The following CHIC1 variants were observed in gnomAD, a reference collection of about 807,000 sequenced individuals.
CHIC1 encodes cysteine-rich hydrophobic domain-containing protein 1.
A neutral mutation model predicts 18.5 loss-of-function variants in CHIC1; 7 were observed. That is an observed-to-expected ratio of 0.38 (90% CI 0.22 to 0.71). The LOEUF is 0.71. CHIC1 is among the 30% of genes least tolerant of loss of function. The pLI is 0.49. For missense variants in CHIC1, 159 were observed against 176.9 expected (o/e 0.90, Z 0.57); for synonymous variants, 77 against 73.5 (o/e 1.05, Z -0.25).
chrX:73,675,117 T>C (rs1353368395), intron 3 of CHIC1, among the ~76,000 whole-genome samples: 1 of 112,248 alleles, frequency 8.9e-6, no homozygotes, highest in African/African-American at 3.2e-5. Flanking sequence ...TTATAATTTC[T>C]ATTCTTTTAC....
chrX:73,646,813 T>C (rs2057891573), intron 3 of CHIC1, among the ~76,000 whole-genome samples: 1 of 112,310 alleles, frequency 8.9e-6, no homozygotes, highest in Non-Finnish European at 1.9e-5. Context: ...CTTTTATTTC[T>C]TTGTTGTAAT....
At position 73,682,480 on chromosome X, in the gene CHIC1, G is replaced by A. The variant is rs1052314174; in HGVS notation, c.*1475G>A. On this transcript the variant is annotated 3_prime_UTR_variant, in exon 6 of 6. Coordinates refer to ENST00000373502, the MANE Select transcript of CHIC1 (RefSeq NM_001039840.4). ...TGTCATCTTACTCTTACTGCTTTTAGTAAACCTTTTAGGCAAGATTCATCT... is the reference window on the plus strand; with the variant it reads ...TGTCATCTTACTCTTACTGCTTTTAATAAACCTTTTAGGCAAGATTCATCT... 9.0e-6 allele frequency: 1 copy of A among 111,455 alleles called. No individual in the cohort carries two copies. The highest frequency in any genetic ancestry group is 3.2e-5 in the African/African-American group (1 of 30,789). The allele number at this position is 111,455 out of a possible 1,213,427, so 9.2% of individuals were successfully genotyped here. A position where few individuals can be genotyped will look rare whatever the true frequency, so the allele number is the denominator to read the frequency against.
At chrX:73,628,460 C>T (rs1016840041) in intron 3 of CHIC1, among the ~76,000 whole-genome samples, 1 of 111,931 alleles carries the variant, frequency 8.9e-6, no homozygotes, top group African/African-American at 3.3e-5. Flanking sequence ...ACTCAAGTTC[C>T]GAATACTGGA....
At chrX:73,613,989 G>C (rs1223341355) in intron 3 of CHIC1, among the ~76,000 whole-genome samples, 1 of 111,546 alleles carries the variant, frequency 9.0e-6, no homozygotes. Context: ...GTTTTCATGA[G>C]GGCAGGTAGT....
intron 3 of CHIC1, among the ~76,000 whole-genome samples, chrX:73,610,866 GGTT>G (rs756062255): frequency 9.3e-6 from 1 of 107,154 alleles, no homozygotes; most frequent in East Asian, 2.9e-4. Context: ...TTTAGTGTTT[GGTT>G]GTTCATAATA....
chrX:73,594,834 A>C lies in CHIC1; in HGVS notation c.507+10262A>C, dbSNP rs1229437476. 3.6e-5 allele frequency among the ~76,000 whole-genome samples: 4 copies of C among 112,165 alleles called. No homozygotes were observed. The East Asian group carries it at 1.1e-3, about 32-fold the overall frequency. On this transcript the variant is annotated intron_variant, in intron 3 of 5. Coordinates refer to ENST00000373502, the MANE Select transcript of CHIC1 (RefSeq NM_001039840.4). ...CAAATTTGCCTGTTCTAGATACCTC[A>C]TGTAAGTGAAATAATGCCATATTTT...
chrX:73,681,285 G>A lies in CHIC1; in HGVS notation c.*280G>A, dbSNP rs2058098476. ...CCATTAAAGATAAATCATCAGTGTT[G>A]GTGTTTAAAAAACAAAAACTTGTTC... On this transcript the variant is annotated 3_prime_UTR_variant, in exon 6 of 6. Coordinates refer to ENST00000373502, the MANE Select transcript of CHIC1 (RefSeq NM_001039840.4). 1.4e-5 allele frequency: 3 copies of A among 212,644 alleles called. No homozygotes were observed. Among genetic ancestry groups the A allele is most frequent in the Non-Finnish European group, 2.5e-5 (3 of 119,690 alleles). 17.5% of individuals were successfully genotyped at this position (212,644 alleles called of 1,213,427 possible). A position where few individuals can be genotyped will look rare whatever the true frequency, so the allele number is the denominator to read the frequency against.
chrX:73,657,392 G>A (rs1250164365), intron 3 of CHIC1, among the ~76,000 whole-genome samples: 1 of 111,460 alleles, frequency 9.0e-6, no homozygotes, highest in Non-Finnish European at 1.9e-5. Flanking sequence ...AATTGTGAAT[G>A]GGAGTTCATT....
intron 3 of CHIC1, among the ~76,000 whole-genome samples, chrX:73,653,305 A>G (rs1367713385): frequency 9.0e-6 from 1 of 111,588 alleles, no homozygotes; most frequent in Non-Finnish European, 1.9e-5. Context: ...TACCTATGTA[A>G]CAAACCTGCA....
intron 3 of CHIC1, among the ~76,000 whole-genome samples, chrX:73,591,532 CTT>C (rs1327925244): frequency 9.0e-6 from 1 of 111,629 alleles, no homozygotes; most frequent in African/African-American, 3.2e-5. Flanking sequence ...TTTTTACTCT[CTT>C]AATAGTATAT....
At chrX:73,678,723 A>G (rs1389540001) in intron 3 of CHIC1, among the ~76,000 whole-genome samples, 1 of 112,515 alleles carries the variant, frequency 8.9e-6, no homozygotes, top group Non-Finnish European at 1.9e-5. Context: ...CCTCTTTGCT[A>G]CATTACTGCT....
intron 3 of CHIC1, among the ~76,000 whole-genome samples, chrX:73,634,932 CT>C (rs2057824783): frequency 9.0e-6 from 1 of 111,116 alleles, no homozygotes; most frequent in Non-Finnish European, 1.9e-5. Flanking sequence ...TTTTTACCCT[CT>C]TTAATGCATC....
chrX:73,614,375 G>A (rs1225968764), intron 3 of CHIC1, among the ~76,000 whole-genome samples: 1 of 111,211 alleles, frequency 9.0e-6, no homozygotes, highest in South Asian at 3.8e-4. Context: ...TCTATTTGGA[G>A]ATCTCTGATC....
intron 3 of CHIC1, among the ~76,000 whole-genome samples, chrX:73,640,458 C>A (rs1277369376): frequency 9.0e-6 from 1 of 111,547 alleles, no homozygotes; most frequent in Non-Finnish European, 1.9e-5. Context: ...ATTTTTACAT[C>A]TATGTTCATC....
chrX:73,663,461 CAG>C (rs927573377), intron 3 of CHIC1, among the ~76,000 whole-genome samples: 1 of 110,430 alleles, frequency 9.1e-6, no homozygotes, highest in Non-Finnish European at 1.9e-5. Context: ...CAAAGATTAA[CAG>C]GGATGAGCAT....
chrX:73,669,747 G>A (rs962028873), intron 3 of CHIC1, among the ~76,000 whole-genome samples: 7 of 111,945 alleles, frequency 6.3e-5, no homozygotes, highest in African/African-American at 2.3e-4. Context: ...CAGCTGAGTC[G>A]ACCAAATGGC....
At chrX:73,584,192 A>AT (rs2057541458) in intron 2 of CHIC1, among the ~76,000 whole-genome samples, 1 of 111,274 alleles carries the variant, frequency 9.0e-6, no homozygotes, top group African/African-American at 3.3e-5. Flanking sequence ...ATTGGTGGTC[A>AT]TTTCAGAAGA....
chrX:73,612,178 A>G (rs1182915150), intron 3 of CHIC1, among the ~76,000 whole-genome samples: 1 of 111,623 alleles, frequency 9.0e-6, no homozygotes, highest in African/African-American at 3.3e-5. Flanking sequence ...TCTTTAATCC[A>G]TCTTGAATTA....
chrX:73,634,320 G>A (rs552554632), intron 3 of CHIC1, among the ~76,000 whole-genome samples: 1 of 112,765 alleles, frequency 8.9e-6, no homozygotes, highest in African/African-American at 3.2e-5. Flanking sequence ...ACTCTATCCT[G>A]TCAAGCCAGG....
Sources: gnomAD v4.1 joint callset for allele counts (sites outside exome capture counted in the v4.1 genomes callset) on GRCh38, gnomAD v4.1.1 for gene constraint, MANE v1.5 for transcripts, NCBI Gene and HGNC (gene_info 2026-07-23, HGNC 2026-07-21) for gene names.